Variants in TEX10 observed in about 807,000 individuals in gnomAD.
TEX10 encodes testis expressed 10, also known as testis-expressed protein 10.
A neutral mutation model predicts 104.4 loss-of-function variants in TEX10; 24 were observed. The observed-to-expected ratio is 0.23, with a 90% CI of 0.17 to 0.32. The LOEUF is 0.32. Among genes scored for constraint, TEX10 ranks in the 10% least tolerant of loss-of-function variants. TEX10 has a pLI of 1.00. For synonymous variants in TEX10, 396 were observed against 393.4 expected, an observed-to-expected ratio of 1.01 and a Z score of -0.08; for missense variants, 921 against 1,083.9, an observed-to-expected ratio of 0.85 and a Z score of 2.11.
chr9:100,334,794 A>G (rs534831567), intron 5 of TEX10, among the ~76,000 whole-genome samples: 17 of 151,860 alleles, frequency 1.1e-4, no homozygotes, highest in African/African-American at 3.9e-4. Context: ...GCTCCCAAGT[A>G]TCAGGGGTTA....
At chr9:100,315,215 G>T (rs774020113) in intron 11 of TEX10, among the ~76,000 whole-genome samples, 2 of 152,110 alleles carry the variant, frequency 1.3e-5, no homozygotes, top group East Asian at 1.9e-4. Flanking sequence ...GTGATGATGA[G>T]AAGAATGTAT....
intron 14 of TEX10, 68 bp from the exon 15 acceptor site, chr9:100,302,372 C>T: frequency 9.6e-7 from 1 of 1,042,662 alleles, no homozygotes. Flanking sequence ...CAGTATTTTT[C>T]ACACCCAAAC....
chr9:100,340,177 C>T, intron 5 of TEX10, 80 bp downstream of exon 5: 1 of 805,702 alleles, frequency 1.2e-6, no homozygotes, highest in Non-Finnish European at 1.9e-6. Flanking sequence ...TAGAAAGTTC[C>T]ATATTAAGGT....
At position 100,346,899 on chromosome 9, in the gene TEX10, T is replaced by C. The variant is rs1437831384; in HGVS notation, c.688A>G (p.Arg230Gly). Residue 230 changes from arginine (R) to glycine (G), a missense_variant, in exon 3 of 15, where the codon AGA becomes GGA. Arg to Gly is a moderately radical substitution (Grantham distance 125, BLOSUM62 -2). Coordinates refer to ENST00000374902, the MANE Select transcript of TEX10 (RefSeq NM_017746.4). ...AAGGCCTGAAGGAATTTACTGAGTC[T>C]CACTAAGACTTTCAGCCTCCATTGC... is the stretch of plus-strand genomic sequence containing the variant. ...SQQWRLKVLV[R>G]LSKFLQALAD... The C allele has an allele frequency of 6.2e-7, 1 of 1,614,094 alleles. No homozygotes were observed. Among genetic ancestry groups the C allele is most frequent in the East Asian group, 2.2e-5 (1 of 44,898 alleles).
chr9:100,308,561 A>G lies in TEX10; in HGVS notation c.2404T>C (p.Tyr802His). The G allele has an allele frequency of 6.2e-7, 1 of 1,613,048 alleles. No homozygotes were observed. Among genetic ancestry groups the G allele is most frequent in the Non-Finnish European group, 8.5e-7 (1 of 1,179,368 alleles). Residue 802 changes from tyrosine to histidine, a missense_variant, in exon 13 of 15, where the codon TAC becomes CAC. Tyr to His is a moderately conservative substitution (Grantham distance 83). Transcript: ENST00000374902. Reference sequence around the variant, plus strand: ...GTGAGCAGAAAATAAAGAAGACTGTAGCAACAAGAAGCCAGAAATGGCAGT... The same window carrying G: ...GTGAGCAGAAAATAAAGAAGACTGTGGCAACAAGAAGCCAGAAATGGCAGT... Reference protein sequence around the residue: ...TLLPFLASCCYSLLYFLLTIE... With the variant: ...TLLPFLASCCHSLLYFLLTIE...
At chr9:100,306,310 A>T (rs1489652736) in intron 13 of TEX10, 2 of 152,230 alleles carry the variant, frequency 1.3e-5, no homozygotes, top group African/African-American at 2.4e-5. Context: ...CTGAATCTTC[A>T]CATTACAGAA....
At chr9:100,328,027 A>C (rs1834752866) in intron 7 of TEX10, 65 bp from the exon 8 acceptor site, 1 of 1,343,780 alleles carries the variant, frequency 7.4e-7, no homozygotes. Context: ...TTTAAACAAA[A>C]AAAAAATTTT....
intron 14 of TEX10, 37 bp from the exon 15 acceptor site, chr9:100,302,341 C>T (rs530887406): frequency 6.9e-7 from 1 of 1,448,162 alleles, no homozygotes; most frequent in East Asian, 2.3e-5. Flanking sequence ...AGAACTGCAC[C>T]CAAATCACTA....
chr9:100,304,008 C>G, intron 13 of TEX10, 166 bp from the exon 14 acceptor site: 1 of 652,908 alleles, frequency 1.5e-6, no homozygotes, highest in South Asian at 1.8e-5. Flanking sequence ...TAGCCACACA[C>G]ACACACTAAA....
At chr9:100,344,936 A>G (rs1354219451) in intron 4 of TEX10, among the ~76,000 whole-genome samples, 1 of 152,202 alleles carries the variant, frequency 6.6e-6, no homozygotes, top group Non-Finnish European at 1.5e-5. Flanking sequence ...GGACTTTAGC[A>G]TTACTTTTAT....
intron 6 of TEX10, among the ~76,000 whole-genome samples, chr9:100,329,673 T>G (rs1834804270): frequency 1.3e-5 from 2 of 152,118 alleles, no homozygotes; most frequent in African/African-American, 4.8e-5. Context: ...AGGGAAAAAG[T>G]TCTCAAGTTC....
At chr9:100,308,352 GAA>G in intron 13 of TEX10, 146 bp downstream of exon 13, 1 of 642,210 alleles carries the variant, frequency 1.6e-6, no homozygotes, top group South Asian at 6.5e-5. Context: ...AAGGAACAAA[GAA>G]AAAGCTAGCT....
chr9:100,347,003 A>G lies in TEX10; in HGVS notation c.584T>C (p.Leu195Pro). 1 of 1,614,208 alleles carries G rather than the reference A, an allele frequency of 6.2e-7. No homozygotes were observed. The highest frequency in any genetic ancestry group is 8.5e-7 in the Non-Finnish European group (1 of 1,180,008). Residue 195 changes from leucine (L) to proline (P), a missense_variant, in exon 3 of 15, where the codon CTG becomes CCG. Leu to Pro is a moderately conservative substitution (Grantham distance 98). Coordinates refer to ENST00000374902, the MANE Select transcript of TEX10 (RefSeq NM_017746.4). ...NFVELISHQQ[L>P]SKGLINRDRS... The stretch of plus-strand genomic sequence containing the variant: ...GTCTCTATTTATCAGTCCTTTGGAC[A>G]GCTGCTGATGAGAAATAAGTTCTAC...
intron 4 of TEX10, among the ~76,000 whole-genome samples, chr9:100,341,873 T>G (rs960246483): frequency 6.6e-6 from 1 of 152,204 alleles, no homozygotes; most frequent in African/African-American, 2.4e-5. Context: ...TCTATTTTTA[T>G]AAATTCAGCA....
chr9:100,316,894 T>TAAAAA (rs35651841), intron 11 of TEX10, among the ~76,000 whole-genome samples: 7 of 53,424 alleles, frequency 1.3e-4, no homozygotes, highest in Middle Eastern at 0.028. Flanking sequence ...TTATAATAGC[T>TAAAAA]AAAAAAAAAA....
chr9:100,338,755 G>A lies in TEX10; in HGVS notation c.1250+1502C>T, dbSNP rs1019372934. ...AAAAATACAAAAATTAGCCAGGCGT[G>A]GTGGTGCATGCCTATAATCCCAGCT... On this transcript the variant is annotated intron_variant, in intron 5 of 14. Transcript: ENST00000374902. 2.0e-5 allele frequency among the ~76,000 whole-genome samples: 3 copies of A among 152,190 alleles called. No homozygotes were observed. The South Asian group carries it at 6.2e-4, about 32-fold the overall frequency.
chr9:100,312,745 T>C (rs1834311637), intron 11 of TEX10, among the ~76,000 whole-genome samples: 1 of 152,138 alleles, frequency 6.6e-6, no homozygotes, highest in Non-Finnish European at 1.5e-5. Flanking sequence ...AAGCTGAGCT[T>C]TCCCTGAGAA....
intron 11 of TEX10, among the ~76,000 whole-genome samples, chr9:100,316,469 A>G (rs749469584): frequency 2.0e-5 from 3 of 152,210 alleles, no homozygotes; most frequent in Non-Finnish European, 2.9e-5. Flanking sequence ...GAAATGGAAC[A>G]AGACAAGGAT....
At chr9:100,312,833 T>C (rs1834313305) in intron 11 of TEX10, among the ~76,000 whole-genome samples, 2 of 152,016 alleles carry the variant, frequency 1.3e-5, no homozygotes, top group African/African-American at 4.8e-5. Context: ...TCAAGACCTA[T>C]AAGTAAACAC....
Sources: allele counts gnomAD v4.1 joint callset (sites outside exome capture counted in the v4.1 genomes callset), GRCh38; gene constraint gnomAD v4.1.1; transcripts MANE v1.5; gene names NCBI Gene and HGNC (gene_info 2026-07-23, HGNC 2026-07-21).